The following SHANK2 variants were observed in gnomAD, a reference collection of about 807,000 sequenced individuals.
SHANK2 encodes SH3 and multiple ankyrin repeat domains protein 2.
In SHANK2, 43 loss-of-function variants were observed where a neutral mutation model predicts 133.7. The observed-to-expected ratio is 0.32, with a 90% CI of 0.25 to 0.41. The LOEUF is 0.41. Ranked by LOEUF, SHANK2 falls within the 10% of genes least tolerant of loss-of-function variation. SHANK2 has a pLI of 1.00. For missense variants in SHANK2, 1,994 were observed against 2,235.8 expected (o/e 0.89, Z 2.18); for synonymous variants, 1,017 against 952.8 (o/e 1.07, Z -1.24).
At chr11:70,478,917 C>T (rs1364879126) in intron 25 of SHANK2, among the ~76,000 whole-genome samples, 1 of 152,222 alleles carries the variant, frequency 6.6e-6, no homozygotes, top group Non-Finnish European at 1.5e-5. Flanking sequence ...TCCAGGTCTT[C>T]AGGCCAGGAG....
At chr11:70,633,283 T>A (rs1449067432) in intron 17 of SHANK2, among the ~76,000 whole-genome samples, 2 of 149,206 alleles carry the variant, frequency 1.3e-5, no homozygotes, top group Non-Finnish European at 3.0e-5. Flanking sequence ...TATATATATA[T>A]AAATAACACT....
intron 11 of SHANK2, among the ~76,000 whole-genome samples, chr11:70,871,524 C>T (rs1949463428): frequency 1.3e-5 from 2 of 152,220 alleles, no homozygotes; most frequent in Non-Finnish European, 2.9e-5. Context: ...AGCCTGTGAG[C>T]CCCTGGAGGG....
At chr11:70,570,661 GC>G (rs2060034335) in intron 17 of SHANK2, 2 of 152,414 alleles carry the variant, frequency 1.3e-5, no homozygotes, top group South Asian at 4.1e-4. Flanking sequence ...GATCACTGCA[GC>G]CCAGCTGGCT....
chr11:70,550,182 C>T (rs1372534607), intron 17 of SHANK2, among the ~76,000 whole-genome samples: 5 of 152,206 alleles, frequency 3.3e-5, no homozygotes, highest in Non-Finnish European at 5.9e-5. Context: ...TCTATGCCCA[C>T]CCAGCAGCCC....
At chr11:71,177,434 C>G (rs1372666555) in intron 2 of SHANK2, among the ~76,000 whole-genome samples, 2 of 152,042 alleles carry the variant, frequency 1.3e-5, no homozygotes, top group African/African-American at 4.8e-5. Flanking sequence ...TTATGCTTAC[C>G]TGAACTGGTA....
chr11:71,234,398 TA>T (rs200594288), intron 1 of SHANK2, among the ~76,000 whole-genome samples: 1 of 147,100 alleles, frequency 6.8e-6, no homozygotes, highest in African/African-American at 2.6e-5. Context: ...AATAAATAAA[TA>T]AATAACAACA....
chr11:70,896,780 G>A (rs146249194), intron 10 of SHANK2, among the ~76,000 whole-genome samples: 108 of 152,278 alleles, frequency 7.1e-4, no homozygotes, highest in Non-Finnish European at 1.1e-3. Flanking sequence ...TAAGGTTGTC[G>A]TTGCTCTACA....
At chr11:70,842,924 G>A (rs1005232291) in intron 11 of SHANK2, among the ~76,000 whole-genome samples, 16 of 152,182 alleles carry the variant, frequency 1.1e-4, no homozygotes, top group African/African-American at 2.9e-4. Context: ...TCAGGGGGCC[G>A]GGCTGGGCGG....
At chr11:71,251,694 G>A (rs1485132900) in intron 1 of SHANK2, among the ~76,000 whole-genome samples, 1 of 151,186 alleles carries the variant, frequency 6.6e-6, no homozygotes, top group Non-Finnish European at 1.5e-5. Context: ...TATCCCAGCT[G>A]GTGAGCACGG....
At chr11:70,683,534 G>C (rs1298758878) in intron 15 of SHANK2, among the ~76,000 whole-genome samples, 1 of 152,198 alleles carries the variant, frequency 6.6e-6, no homozygotes, top group African/African-American at 2.4e-5. Context: ...CACAAACCGG[G>C]TGGTTTAAAC....
intron 2 of SHANK2, among the ~76,000 whole-genome samples, chr11:71,222,526 C>T (rs1954568417): frequency 6.6e-6 from 1 of 152,186 alleles, no homozygotes; most frequent in South Asian, 2.1e-4. Flanking sequence ...GAACCGAGGC[C>T]CAGCTGGCCG....
intron 3 of SHANK2, among the ~76,000 whole-genome samples, chr11:71,133,237 A>ATGGATGG (rs1952357214): frequency 9.2e-6 from 1 of 109,062 alleles, no homozygotes; most frequent in African/African-American, 3.7e-5. Context: ...TGCACAGATG[A>ATGGATGG]ATGGATGGAT....
intron 17 of SHANK2, among the ~76,000 whole-genome samples, chr11:70,653,610 T>G (rs1281344305): frequency 4.6e-5 from 7 of 151,352 alleles, no homozygotes; most frequent in African/African-American, 1.7e-4. Context: ...GAAGTCCATA[T>G]TCAGCATGAT....
At chr11:70,603,035 G>C (rs1554991384) in intron 17 of SHANK2, among the ~76,000 whole-genome samples, 1 of 152,250 alleles carries the variant, frequency 6.6e-6, no homozygotes, top group Non-Finnish European at 1.5e-5. Context: ...TTTACAGAAA[G>C]CTGGAAAACA....
chr11:70,814,835 A>G (rs1948355790), intron 12 of SHANK2, among the ~76,000 whole-genome samples: 1 of 152,222 alleles, frequency 6.6e-6, no homozygotes, highest in African/African-American at 2.4e-5. Flanking sequence ...TGGCCAGGAC[A>G]TTCCCTGGTG....
intron 14 of SHANK2, among the ~76,000 whole-genome samples, chr11:70,750,503 G>A (rs1946732698): frequency 6.6e-6 from 1 of 152,154 alleles, no homozygotes; most frequent in Non-Finnish European, 1.5e-5. Flanking sequence ...CGTGGATGAA[G>A]GTCCATTTGC....
chr11:70,903,899 C>T (rs1450978970), intron 10 of SHANK2, among the ~76,000 whole-genome samples: 4 of 152,202 alleles, frequency 2.6e-5, no homozygotes, highest in Admixed American at 2.0e-4. Context: ...TGCCAAACCC[C>T]AAACCCTCCT....
chr11:70,942,642 C>G (rs1555084591), intron 10 of SHANK2: 11 of 456,864 alleles, frequency 2.4e-5, no homozygotes, highest in Non-Finnish European at 4.8e-5. Context: ...CACTTCACTT[C>G]TAACAGATGA....
At chr11:71,142,606 C>A (rs1555105983) in intron 3 of SHANK2, among the ~76,000 whole-genome samples, 1 of 152,078 alleles carries the variant, frequency 6.6e-6, no homozygotes, top group Non-Finnish European at 1.5e-5. Flanking sequence ...AAGGAAAATC[C>A]AGTATAGGAA....
Sources: allele counts gnomAD v4.1 joint callset (sites outside exome capture counted in the v4.1 genomes callset), GRCh38; gene constraint gnomAD v4.1.1; transcripts MANE v1.5; gene names NCBI Gene and HGNC (gene_info 2026-07-23, HGNC 2026-07-21).